Variants in ARID1A observed in about 807,000 individuals in gnomAD.
The protein encoded by ARID1A is AT-rich interaction domain 1A, also known as AT-rich interactive domain-containing protein 1A.
In ARID1A, 20 loss-of-function variants were observed where a neutral mutation model predicts 212.6. That is an observed-to-expected ratio of 0.09 (90% CI 0.07 to 0.14). The LOEUF (loss-of-function observed/expected upper bound fraction) is 0.14. ARID1A is among the 10% of genes least tolerant of loss of function. The pLI is 1.00. For missense variants in ARID1A, 2,587 were observed against 3,059.0 expected (o/e 0.85, Z 3.64); for synonymous variants, 1,376 against 1,222.1 (o/e 1.13, Z -2.63).
chr1:26,736,687 G>C (rs2080734030), intron 4 of ARID1A, among the ~76,000 whole-genome samples: 1 of 150,224 alleles, frequency 6.7e-6, no homozygotes, highest in African/African-American at 2.5e-5. Flanking sequence ...CAAATCGCCT[G>C]AGGTCTGGAG....
chr1:26,747,160 ATATGT>A (rs2080843979), intron 4 of ARID1A, among the ~76,000 whole-genome samples: 2 of 152,130 alleles, frequency 1.3e-5, no homozygotes, highest in African/African-American at 4.8e-5. Flanking sequence ...GATGAAATCG[ATATGT>A]ATTCTGTTGC....
Position 26,697,251 on chromosome 1 carries a change from G to C in ARID1A, c.848G>C (p.Gly283Ala), listed in dbSNP as rs2124743894. ...GGGGGAGGCGGCCCCTCCGCGGCCG[G>C]CGGGGGAACTCCCCAGCCCACCGCC... ...AMGGGGPSAA[G>A]GGTPQPTATP... Residue 283 changes from glycine to alanine, a missense_variant, in exon 1 of 20, where the codon GGC becomes GCC. Around this residue, in one of 11 missense-constraint regions of ARID1A, gnomAD observed 735 missense variants for 590.6 expected, o/e 1.24. Coordinates refer to ENST00000324856, the MANE Select transcript of ARID1A (RefSeq NM_006015.6). 1.5e-6 allele frequency: 2 copies of C among 1,372,944 alleles called. No homozygotes were observed. Among genetic ancestry groups the C allele is most frequent in the Non-Finnish European group, 1.9e-6 (2 of 1,070,946 alleles). 85.0% of individuals were successfully genotyped at this position (1,372,944 alleles called of 1,614,324 possible).
chr1:26,747,187 G>A (rs1557600733), intron 4 of ARID1A, among the ~76,000 whole-genome samples: 1 of 152,056 alleles, frequency 6.6e-6, no homozygotes, highest in Non-Finnish European at 1.5e-5. Flanking sequence ...ATCCCTCTGG[G>A]GACCAGTGCT....
In ARID1A at chr1:26,771,452, C is replaced by G; in HGVS notation, c.3406+126C>G. 1.9e-6 allele frequency: 2 copies of G among 1,061,108 alleles called. No individual in the cohort carries two copies. Among genetic ancestry groups the G allele is most frequent in the Non-Finnish European group, 2.7e-6 (2 of 735,932 alleles). 65.7% of individuals were successfully genotyped at this position (1,061,108 alleles called of 1,614,324 possible). ...AGGATCTGTGCTCTGCCTTGCCCTA[C>G]CACAGGGCTTAACAGGTTGGCTGAC... On this transcript the variant is annotated intron_variant, in intron 12 of 19. Coordinates refer to ENST00000324856, the MANE Select transcript of ARID1A (RefSeq NM_006015.6). This position sits in a 1 kb window ranked among gnomAD's most constrained non-coding sequence, Gnocchi z 5.4.
chr1:26,770,842 G>A (rs552540761), intron 11 of ARID1A: 19 of 420,408 alleles, frequency 4.5e-5, no homozygotes, highest in African/African-American at 8.1e-5. Flanking sequence ...CTAAAAAACC[G>A]GACTCTGAAT....
intron 4 of ARID1A, 131 bp from the exon 5 acceptor site, chr1:26,760,725 T>C: frequency 2.1e-6 from 2 of 971,680 alleles, no homozygotes; most frequent in Admixed American, 3.0e-5. Flanking sequence ...AATAGTATCA[T>C]GACTAAAGAA....
chr1:26,763,246 C>T lies in ARID1A; in HGVS notation c.2693C>T (p.Ala898Val), dbSNP rs947997796. 5 of 1,612,428 alleles carry T rather than the reference C, an allele frequency of 3.1e-6. No individual in the cohort carries two copies. Among genetic ancestry groups the T allele is most frequent in the Non-Finnish European group, 4.2e-6 (5 of 1,178,740 alleles). Residue 898 changes from alanine to valine, a missense_variant, in exon 8 of 20, where the codon GCT becomes GTT. By Grantham distance (64) the Ala-to-Val change is moderately conservative. Coordinates refer to ENST00000324856, the MANE Select transcript of ARID1A (RefSeq NM_006015.6). ...ATGAACCGGAAAACCCAAGAAACTG[C>T]TGTCGCCATGCATGTTGCTGCCAAC... ...GGMNRKTQETAVAMHVAANSI... is the reference protein window; with the variant it reads ...GGMNRKTQETVVAMHVAANSI...
rs1164949539 is a variant in ARID1A, at chr1:26,696,787, C to T, written c.384C>T (p.Ser128=). The change falls in exon 1 of 20, where the codon AGC becomes AGT. Residue 128 remains serine (S), a synonymous_variant. Transcript: ENST00000324856. Reference sequence around the variant, plus strand: ...CGCCCGGCGGCGGCGGTGGCGGCAGCAGCGATGGGGTGGGGGCGCCTCCTC... The same window carrying T: ...CGCCCGGCGGCGGCGGTGGCGGCAGTAGCGATGGGGTGGGGGCGCCTCCTC... The part of the protein sequence containing the change: ...TEPPGGGGGG[S]SDGVGAPPHS... The T allele has an allele frequency of 1.5e-6, 2 of 1,339,218 alleles. No individual in the cohort carries two copies. The highest frequency in any genetic ancestry group is 1.5e-5 in the African/African-American group (1 of 64,860). 83.0% of individuals were successfully genotyped at this position (1,339,218 alleles called of 1,614,324 possible). A position where few individuals can be genotyped will look rare whatever the true frequency, so the allele number is the denominator to read the frequency against.
chr1:26,724,556 T>C (rs1393682186), intron 1 of ARID1A, among the ~76,000 whole-genome samples: 1 of 152,242 alleles, frequency 6.6e-6, no homozygotes, highest in Non-Finnish European at 1.5e-5. Flanking sequence ...TCGGTCATGG[T>C]CAGATGGAGA....
At chr1:26,730,030 C>T (rs1344124940) in intron 2 of ARID1A, among the ~76,000 whole-genome samples, 167 bp downstream of exon 2, 2 of 152,154 alleles carry the variant, frequency 1.3e-5, no homozygotes, top group African/African-American at 2.4e-5. Flanking sequence ...CTATAGGCAC[C>T]GTTCCATGTG....
At chr1:26,698,882 A>G (rs529666623) in intron 1 of ARID1A, among the ~76,000 whole-genome samples, 102 of 152,264 alleles carry the variant, frequency 6.7e-4, no homozygotes, top group African/African-American at 2.4e-3. Flanking sequence ...GGAATTTTAT[A>G]TTAGGTTCAA....
intron 4 of ARID1A, among the ~76,000 whole-genome samples, chr1:26,736,082 T>C (rs1225903949): frequency 6.6e-6 from 1 of 151,860 alleles, no homozygotes; most frequent in Non-Finnish European, 1.5e-5. Flanking sequence ...CCCAGCACTT[T>C]GGGAGGCCAA....
chr1:26,732,744 G>A lies in ARID1A; in HGVS notation c.1872G>A (p.Gly624=), dbSNP rs1314604670. The A allele has an allele frequency of 6.2e-7, 1 of 1,614,112 alleles. No homozygotes were observed. The highest frequency in any genetic ancestry group is 8.5e-7 in the Non-Finnish European group (1 of 1,179,984). ...SAPSMTSSKG[G]QEDMNLSLQS... ...CCTCAATGACCTCCAGTAAGGGAGG[G>A]CAAGAAGATATGAACCTGAGCCTTC... The change falls in exon 4 of 20, where the codon GGG becomes GGA. Residue 624 remains glycine (G), a synonymous_variant. Coordinates refer to ENST00000324856, the MANE Select transcript of ARID1A (RefSeq NM_006015.6).
intron 4 of ARID1A, among the ~76,000 whole-genome samples, chr1:26,735,197 T>G (rs2080717846): frequency 6.7e-6 from 1 of 149,906 alleles, no homozygotes; most frequent in African/African-American, 2.5e-5. Context: ...ACGATCTTGG[T>G]TCACTGCAGC....
At chr1:26,769,785 G>C (rs1387921264) in intron 11 of ARID1A, 1 of 152,280 alleles carries the variant, frequency 6.6e-6, no homozygotes, top group Non-Finnish European at 1.5e-5. Context: ...AATACATGAA[G>C]AAGGAGACCT....
At chr1:26,756,594 A>AC (rs2080939989) in intron 4 of ARID1A, among the ~76,000 whole-genome samples, 1 of 150,596 alleles carries the variant, frequency 6.6e-6, no homozygotes, top group Non-Finnish European at 1.5e-5. Context: ...AAACACACAC[A>AC]AAAAAAAACC....
At chr1:26,717,654 G>T (rs188027264) in intron 1 of ARID1A, among the ~76,000 whole-genome samples, 1 of 152,316 alleles carries the variant, frequency 6.6e-6, no homozygotes, top group East Asian at 1.9e-4. Flanking sequence ...AGAGGATACA[G>T]CAGTGAATTA....
At chr1:26,738,645 G>A (rs892212244) in intron 4 of ARID1A, among the ~76,000 whole-genome samples, 3 of 152,070 alleles carry the variant, frequency 2.0e-5, no homozygotes, top group Non-Finnish European at 2.9e-5. Context: ...TGCAGCCTCC[G>A]CCTCCCGGGT....
At chr1:26,765,435 C>T (rs1266890861) in intron 8 of ARID1A, 1 of 151,692 alleles carries the variant, frequency 6.6e-6, no homozygotes, top group Non-Finnish European at 1.5e-5. Flanking sequence ...TTGCAGTGAG[C>T]TGAGATCGCG....
Sources: gnomAD v4.1 joint callset for allele counts (sites outside exome capture counted in the v4.1 genomes callset) on GRCh38, gnomAD v4.1.1 for gene constraint, gnomAD v4.1.1 regional missense constraint, Gnocchi (gnomAD v3.1) non-coding constraint, MANE v1.5 for transcripts, NCBI Gene and HGNC (gene_info 2026-07-23, HGNC 2026-07-21) for gene names.